Variants in THSD7B observed in about 807,000 individuals in gnomAD.
THSD7B encodes thrombospondin type-1 domain-containing protein 7B.
In THSD7B, 138 loss-of-function variants were observed where a neutral mutation model predicts 213.6. The ratio of observed to expected loss-of-function variants is 0.65; its 90% CI spans 0.56 to 0.74. The LOEUF (loss-of-function observed/expected upper bound fraction) is 0.74. Ranked by LOEUF, THSD7B falls within the 30% of genes least tolerant of loss-of-function variation. The pLI is 0.00. For synonymous variants in THSD7B, 742 were observed against 687.0 expected (o/e 1.08, Z -1.25); for missense variants, 1,931 against 1,991.5 (o/e 0.97, Z 0.58).
chr2:137,296,139 T>C (rs1179752872), intron 12 of THSD7B, among the ~76,000 whole-genome samples: 2 of 152,192 alleles, frequency 1.3e-5, no homozygotes, highest in Admixed American at 6.5e-5. Flanking sequence ...ACATATTCCA[T>C]ATTGCAAATT....
chr2:136,999,542 C>T (rs1219737331), intron 2 of THSD7B, among the ~76,000 whole-genome samples: 2 of 151,174 alleles, frequency 1.3e-5, no homozygotes, highest in Admixed American at 1.3e-4. Context: ...TGAATTCACC[C>T]TCGGAATTTT....
chr2:137,249,525 G>A (rs16838445), intron 10 of THSD7B, among the ~76,000 whole-genome samples: 8,791 of 152,048 alleles, frequency 0.058, 530 homozygotes, highest in East Asian at 0.33. Flanking sequence ...CCATTACTCC[G>A]TCTTCTTCCC....
intron 3 of THSD7B, among the ~76,000 whole-genome samples, chr2:137,078,086 A>G (rs60723447): frequency 0.017 from 2,536 of 152,156 alleles, 66 homozygotes; most frequent in African/African-American, 0.057. Context: ...ATAGGGAATC[A>G]TTTCCCCATT....
chr2:137,469,780 A>G (rs1417344200), intron 15 of THSD7B, among the ~76,000 whole-genome samples: 1 of 152,188 alleles, frequency 6.6e-6, no homozygotes, highest in East Asian at 1.9e-4. Flanking sequence ...CTTTGTGATG[A>G]ACCAAAGAGC....
At chr2:136,784,168 T>C (rs1681796365) in intron 1 of THSD7B, among the ~76,000 whole-genome samples, 1 of 152,224 alleles carries the variant, frequency 6.6e-6, no homozygotes. Context: ...CCTGTCTTAT[T>C]TTTCTTGCAG....
rs77816576 is a variant in THSD7B, at chr2:136,898,564, T to A, written c.139+16247T>A. On this transcript the variant is annotated intron_variant, in intron 2 of 27. Transcript: ENST00000409968. ...GAAAGTCTAGAAAATTCTATTTAGCTCCCCTTGTCCCCCCGCCCCCCCGCC... is the reference window on the plus strand; with the variant it reads ...GAAAGTCTAGAAAATTCTATTTAGCACCCCTTGTCCCCCCGCCCCCCCGCC... Among the ~76,000 whole-genome samples the A allele has an allele frequency of 8.3e-3, 940 of 112,822 alleles. 19 individuals carry two copies. Among genetic ancestry groups the A allele is most frequent in the Admixed American group, 0.052 (619 of 11,994 alleles). 74.0% of individuals were successfully genotyped at this position (112,822 alleles called of 152,430 possible). A position where few individuals can be genotyped will look rare whatever the true frequency, so the allele number is the denominator to read the frequency against.
rs138713367 is a variant in THSD7B, at chr2:137,171,024, T to C, written c.1723+86T>C. ...ACCACCCTTCAATAGATCATTCTCATGAGGAAGAGAAGCACAGCCTTTCTT... is the reference window on the plus strand; with the variant it reads ...ACCACCCTTCAATAGATCATTCTCACGAGGAAGAGAAGCACAGCCTTTCTT... On this transcript the variant is annotated intron_variant, in intron 7 of 27. Transcript: ENST00000409968. The C allele has an allele frequency of 6.6e-6, 9 of 1,370,576 alleles. No individual in the cohort carries two copies. The African/African-American group carries it at 8.6e-5, about 13-fold the overall frequency. 84.9% of individuals were successfully genotyped at this position (1,370,576 alleles called of 1,614,324 possible). A position where few individuals can be genotyped will look rare whatever the true frequency, so the allele number is the denominator to read the frequency against.
At chr2:137,192,301 A>G (rs182117216) in intron 7 of THSD7B, among the ~76,000 whole-genome samples, 7 of 152,304 alleles carry the variant, frequency 4.6e-5, no homozygotes, top group African/African-American at 7.2e-5. Flanking sequence ...ACCTCCAAGT[A>G]TATTATAGTA....
At chr2:136,974,800 A>G (rs1468483764) in intron 2 of THSD7B, among the ~76,000 whole-genome samples, 1 of 152,152 alleles carries the variant, frequency 6.6e-6, no homozygotes, top group Non-Finnish European at 1.5e-5. Flanking sequence ...GATTAAACTA[A>G]TTTACATTCC....
intron 12 of THSD7B, among the ~76,000 whole-genome samples, chr2:137,381,604 C>T (rs1164252869): frequency 6.6e-6 from 1 of 152,194 alleles, no homozygotes; most frequent in African/African-American, 2.4e-5. Flanking sequence ...AAAGATGCCC[C>T]ACCTGCGGGG....
intron 5 of THSD7B, among the ~76,000 whole-genome samples, chr2:137,134,533 T>C (rs577870111): frequency 6.6e-6 from 1 of 152,212 alleles, no homozygotes; most frequent in South Asian, 2.1e-4. Flanking sequence ...GGCCATGCGC[T>C]GGCACTCTAG....
Position 136,860,064 on chromosome 2 carries a change from C to T in THSD7B, c.-35-22080C>T, listed in dbSNP as rs571452665. On this transcript the variant is annotated intron_variant, in intron 1 of 27. Coordinates refer to ENST00000409968, the MANE Select transcript of THSD7B (RefSeq NM_001316349.2). ...ATGGAGTCTCGCTCTGTCGCCCAGG[C>T]TGGAGTGCAGCGGCGTGATCTCGGC... is the stretch of plus-strand genomic sequence containing the variant. 2.9e-5 allele frequency among the ~76,000 whole-genome samples: 4 copies of T among 138,966 alleles called. No homozygotes were observed. The East Asian group carries it at 8.2e-4, about 29-fold the overall frequency. The allele number at this position is 138,966 out of a possible 152,430, so 91.2% of individuals were successfully genotyped here.
intron 15 of THSD7B, among the ~76,000 whole-genome samples, chr2:137,458,847 A>G (rs1330839712): frequency 6.6e-6 from 1 of 152,158 alleles, no homozygotes; most frequent in Non-Finnish European, 1.5e-5. Context: ...AACTTTTCAT[A>G]AAGATCAGTG....
intron 2 of THSD7B, among the ~76,000 whole-genome samples, chr2:137,020,483 G>A (rs1187368164): frequency 6.6e-6 from 1 of 152,018 alleles, no homozygotes; most frequent in Non-Finnish European, 1.5e-5. Flanking sequence ...AACATACCTC[G>A]TGCAAGCCCC....
intron 7 of THSD7B, among the ~76,000 whole-genome samples, chr2:137,211,009 G>A (rs1404608316): frequency 4.0e-5 from 6 of 151,794 alleles, no homozygotes; most frequent in African/African-American, 1.5e-4. Flanking sequence ...GTTGATTGCA[G>A]GAACATTAAC....
At chr2:137,628,138 T>C (rs1682668336) in intron 20 of THSD7B, among the ~76,000 whole-genome samples, 1 of 152,220 alleles carries the variant, frequency 6.6e-6, no homozygotes, top group Admixed American at 6.5e-5. Context: ...ATATGTGAAT[T>C]TTCTCCTCCA....
At chr2:137,310,823 G>A (rs1222097710) in intron 12 of THSD7B, among the ~76,000 whole-genome samples, 35 of 151,962 alleles carry the variant, frequency 2.3e-4, no homozygotes, top group South Asian at 2.1e-3. Context: ...GTAGATATGC[G>A]GCGTTATTTC....
chr2:136,784,240 G>A (rs1681797202), intron 1 of THSD7B, among the ~76,000 whole-genome samples: 1 of 151,912 alleles, frequency 6.6e-6, no homozygotes, highest in Non-Finnish European at 1.5e-5. Flanking sequence ...GTATTCTTCA[G>A]GGCAAAACAA....
intron 6 of THSD7B, among the ~76,000 whole-genome samples, chr2:137,168,279 T>G (rs934392254): frequency 2.0e-5 from 3 of 152,196 alleles, no homozygotes; most frequent in African/African-American, 7.2e-5. Flanking sequence ...AATAATATCA[T>G]CTGATTAATA....
Sources: gnomAD v4.1 joint callset for allele counts (sites outside exome capture counted in the v4.1 genomes callset) on GRCh38, gnomAD v4.1.1 for gene constraint, MANE v1.5 for transcripts, NCBI Gene and HGNC (gene_info 2026-07-23, HGNC 2026-07-21) for gene names.